Variants in CDK13 observed in about 807,000 individuals in gnomAD.
CDK13 encodes the protein cyclin-dependent kinase 13.
CDK13 carries 40 observed loss-of-function variants against 137.6 expected under a neutral mutation model. The observed-to-expected ratio is 0.29, with a 90% CI of 0.23 to 0.38. The LOEUF is 0.38. Among genes scored for constraint, CDK13 ranks in the 10% least tolerant of loss-of-function variants. The pLI, the probability that CDK13 is intolerant of heterozygous loss-of-function variation, is 1.00. For missense variants in CDK13, 1,704 were observed against 1,951.8 expected (o/e 0.87, Z 2.39); for synonymous variants, 869 against 760.1 (o/e 1.14, Z -2.36).
chr7:40,058,362 T>C (rs1402048052), intron 7 of CDK13, among the ~76,000 whole-genome samples: 1 of 151,890 alleles, frequency 6.6e-6, no homozygotes, highest in Non-Finnish European at 1.5e-5. Flanking sequence ...GGTTTTATGC[T>C]TAATAAAAAA....
chr7:40,004,651 T>G (rs1250449738), intron 5 of CDK13, among the ~76,000 whole-genome samples: 1 of 152,232 alleles, frequency 6.6e-6, no homozygotes, highest in Non-Finnish European at 1.5e-5. Context: ...AAACTAAATT[T>G]GATTGTCTAG....
In CDK13 at chr7:39,984,907, G is replaced by A. The variant is rs576820060; in HGVS notation, c.1212-2692G>A. ...GAGAATCGCTTGAACCCAGGAGGCAGGATAATCGCTTGAACCCGGTAGGCA... is the reference window on the plus strand; with the variant it reads ...GAGAATCGCTTGAACCCAGGAGGCAAGATAATCGCTTGAACCCGGTAGGCA... On this transcript the variant is annotated intron_variant, in intron 1 of 13. Transcript: ENST00000181839. 2.6e-5 allele frequency: 4 copies of A among 152,198 alleles called. No homozygotes were observed. The East Asian group carries it at 7.7e-4, about 29-fold the overall frequency. 9.4% of individuals were successfully genotyped at this position (152,198 alleles called of 1,614,324 possible). A position where few individuals can be genotyped will look rare whatever the true frequency, so the allele number is the denominator to read the frequency against.
chr7:39,984,125 C>T (rs901331422), intron 1 of CDK13: 1 of 152,120 alleles, frequency 6.6e-6, no homozygotes, highest in Non-Finnish European at 1.5e-5. Flanking sequence ...CAACTAAGAA[C>T]GGAAATTTTC....
chr7:39,968,763 C>G (rs369337517), intron 1 of CDK13, among the ~76,000 whole-genome samples: 10 of 152,134 alleles, frequency 6.6e-5, no homozygotes, highest in African/African-American at 2.4e-4. Flanking sequence ...TCTTTTTGCT[C>G]AGGATTGCTT....
rs200550575 is a variant in CDK13 at position 40,084,654 on chromosome 7, A to G, written c.3030-3472A>G. Among the ~76,000 whole-genome samples, 12 of 152,374 alleles carry G rather than the reference A, an allele frequency of 7.9e-5. No individual in the cohort carries two copies. In the East Asian group the frequency reaches 2.3e-3, roughly 29 times the overall value. On this transcript the variant is annotated intron_variant, in intron 11 of 13. Coordinates refer to ENST00000181839, the MANE Select transcript of CDK13 (RefSeq NM_003718.5). ...AGACAAAATATCAGTTGCCATTAGA[A>G]TGAATATTTCACAATAATGATTTGA...
At chr7:40,045,718 T>G in intron 5 of CDK13, 118 bp from the exon 6 acceptor site, 3 of 637,304 alleles carry the variant, frequency 4.7e-6, no homozygotes, top group Non-Finnish European at 8.1e-6. Flanking sequence ...AGTAACAAAG[T>G]AACACTTCTT....
intron 5 of CDK13, among the ~76,000 whole-genome samples, chr7:40,003,566 T>C (rs1220374174): frequency 6.6e-6 from 1 of 152,178 alleles, no homozygotes; most frequent in African/African-American, 2.4e-5. Context: ...CCTTCATCCA[T>C]AAAAGGGAAA....
chr7:39,958,259 A>C (rs978550947), intron 1 of CDK13, among the ~76,000 whole-genome samples: 3 of 152,294 alleles, frequency 2.0e-5, no homozygotes, highest in South Asian at 4.1e-4. Flanking sequence ...GCATAGGGGC[A>C]CTTTCACTGG....
intron 5 of CDK13, among the ~76,000 whole-genome samples, chr7:40,032,770 A>G (rs1406395179): frequency 6.6e-6 from 1 of 151,710 alleles, no homozygotes; most frequent in African/African-American, 2.4e-5. Flanking sequence ...TTTCCCACTG[A>G]TACCATACTG....
Position 39,987,829 on chromosome 7 carries a change from A to C in CDK13, c.1442A>C (p.Glu481Ala), listed in dbSNP as rs1182167327. The C allele has an allele frequency of 6.2e-7, 1 of 1,614,182 alleles. No homozygotes were observed. The highest frequency in any genetic ancestry group is 1.7e-5 in the Admixed American group (1 of 60,012). Residue 481 changes from glutamate to alanine, a missense_variant, in exon 2 of 14, where the codon GAG becomes GCG. This residue lies in a region of CDK13 where 1,051 missense variants were observed against 931.0 expected (regional missense o/e 1.13). Coordinates refer to ENST00000181839, the MANE Select transcript of CDK13 (RefSeq NM_003718.5). ...AKAAEATKAA[E>A]AAAKAAKASN... ...GCTGCAGAAGCAACTAAGGCTGCTGAGGCTGCTGCCAAGGCTGCAAAAGCT... is the reference window on the plus strand; with the variant it reads ...GCTGCAGAAGCAACTAAGGCTGCTGCGGCTGCTGCCAAGGCTGCAAAAGCT...
chr7:39,982,224 T>C (rs1482135584), intron 1 of CDK13, among the ~76,000 whole-genome samples: 4 of 149,482 alleles, frequency 2.7e-5, no homozygotes, highest in African/African-American at 9.9e-5. Context: ...GTCCATGTGT[T>C]CTCATTGTTC....
At chr7:40,035,925 C>T (rs751029077) in intron 5 of CDK13, among the ~76,000 whole-genome samples, 10 of 151,964 alleles carry the variant, frequency 6.6e-5, no homozygotes, top group African/African-American at 9.7e-5. Flanking sequence ...CTTTGGGAGG[C>T]TAAGGCAGGA....
chr7:40,086,816 T>TC (rs1357432440), intron 11 of CDK13, among the ~76,000 whole-genome samples: 2 of 149,880 alleles, frequency 1.3e-5, no homozygotes, highest in Non-Finnish European at 3.0e-5. Context: ...ACTCTTTTTT[T>TC]TTTTTTTTTT....
intron 7 of CDK13, among the ~76,000 whole-genome samples, chr7:40,050,062 C>T (rs763116057): frequency 2.0e-5 from 3 of 152,174 alleles, no homozygotes; most frequent in Non-Finnish European, 2.9e-5. Flanking sequence ...TCACTACAGC[C>T]TCCACCTCCG....
At chr7:40,046,103 G>A (rs1465817562) in intron 6 of CDK13, 78 bp downstream of exon 6, 17 of 918,678 alleles carry the variant, frequency 1.9e-5, no homozygotes, top group Middle Eastern at 3.6e-4. Flanking sequence ...ACTGGAAACC[G>A]TAGCGGCGGG....
intron 9 of CDK13, chr7:40,072,496 A>C (rs1562760404): frequency 6.6e-6 from 1 of 152,218 alleles, no homozygotes; most frequent in Non-Finnish European, 1.5e-5. Context: ...TGAAGACTAC[A>C]TCCTGTTAAT....
intron 1 of CDK13, among the ~76,000 whole-genome samples, chr7:39,964,641 G>C (rs1169394509): frequency 6.8e-6 from 1 of 147,974 alleles, no homozygotes; most frequent in African/African-American, 2.5e-5. Flanking sequence ...GTTCTGCTCT[G>C]ATCTTAGTTA....
intron 1 of CDK13, among the ~76,000 whole-genome samples, chr7:39,966,634 A>C (rs1376588019): frequency 6.6e-6 from 1 of 152,088 alleles, no homozygotes; most frequent in Non-Finnish European, 1.5e-5. Context: ...TTCTCTGTCC[A>C]GCTTTGTTCC....
intron 2 of CDK13, among the ~76,000 whole-genome samples, chr7:39,991,682 T>G (rs942639631): frequency 6.6e-6 from 1 of 152,148 alleles, no homozygotes; most frequent in Non-Finnish European, 1.5e-5. Flanking sequence ...AGCATCTGTG[T>G]AACTACTGGA....
Sources: gnomAD v4.1 joint callset for allele counts (sites outside exome capture counted in the v4.1 genomes callset) on GRCh38, gnomAD v4.1.1 for gene constraint, gnomAD v4.1.1 regional missense constraint, MANE v1.5 for transcripts, NCBI Gene and HGNC (gene_info 2026-07-23, HGNC 2026-07-21) for gene names.